Variants in TESPA1 observed in about 807,000 individuals in gnomAD.
The protein encoded by TESPA1 is protein TESPA1.
In TESPA1, 33 loss-of-function variants were observed where a neutral mutation model predicts 57.9. The observed-to-expected ratio is 0.57, with a 90% CI of 0.43 to 0.76. The LOEUF (loss-of-function observed/expected upper bound fraction) is 0.76, where lower values mean the gene tolerates loss of function less well. TESPA1 is among the 30% of genes least tolerant of loss of function. The pLI is 0.00. For synonymous variants in TESPA1, 227 were observed against 228.9 expected (o/e 0.99, Z 0.07); for missense variants, 618 against 632.9 (o/e 0.98, Z 0.25).
intron 10 of TESPA1, among the ~76,000 whole-genome samples, chr12:54,956,156 G>A (rs1298872533): frequency 6.6e-6 from 1 of 152,134 alleles, no homozygotes; most frequent in Non-Finnish European, 1.5e-5. Flanking sequence ...ACTTACACAG[G>A]TTCCACCAAG....
chr12:54,950,299 G>A lies in TESPA1; in HGVS notation c.*93C>T. The A allele has an allele frequency of 2.2e-6, 1 of 456,960 alleles. No homozygotes were observed. 28.3% of individuals were successfully genotyped at this position (456,960 alleles called of 1,614,324 possible). A position where few individuals can be genotyped will look rare whatever the true frequency, so the allele number is the denominator to read the frequency against. On this transcript the variant is annotated 3_prime_UTR_variant, in exon 11 of 11. Transcript: ENST00000449076. ...CCAAGGAGTAGGGGCTGGATGTTGAGGGCAGTGCAGTTTCCTGCAAGAGGT... is the reference window on the plus strand; with the variant it reads ...CCAAGGAGTAGGGGCTGGATGTTGAAGGCAGTGCAGTTTCCTGCAAGAGGT...
At position 54,980,271 on chromosome 12, in the gene TESPA1, G is replaced by C. The variant is rs376704779; in HGVS notation, c.-46+4314C>G. ...TATATTTGGTTCTGTGACAGTCTTAGTGCAGGAAGTGTTGCTTTGTTTGTG... is the reference window on the plus strand; with the variant it reads ...TATATTTGGTTCTGTGACAGTCTTACTGCAGGAAGTGTTGCTTTGTTTGTG... On this transcript the variant is annotated intron_variant, in intron 1 of 10. Coordinates refer to ENST00000449076, the MANE Select transcript of TESPA1 (RefSeq NM_001136030.3). Among the ~76,000 whole-genome samples the C allele has an allele frequency of 1.1e-4, 16 of 152,334 alleles. No individual in the cohort carries two copies. In the East Asian group the frequency reaches 3.1e-3, roughly 29 times the overall value.
chr12:54,957,714 T>C (rs1390949407), intron 10 of TESPA1, among the ~76,000 whole-genome samples: 1 of 152,188 alleles, frequency 6.6e-6, no homozygotes, highest in Non-Finnish European at 1.5e-5. Context: ...TAGGTAATCA[T>C]AGAAAAAAAT....
intron 5 of TESPA1, among the ~76,000 whole-genome samples, chr12:54,966,968 A>G (rs1951479551): frequency 6.6e-6 from 1 of 152,180 alleles, no homozygotes. Context: ...GTGATGAACC[A>G]GTAAGAGTCA....
chr12:54,953,360 A>T (rs1352594852), intron 10 of TESPA1, among the ~76,000 whole-genome samples: 1 of 151,886 alleles, frequency 6.6e-6, no homozygotes, highest in South Asian at 2.1e-4. Context: ...TTTCCATAAG[A>T]TATTGTGGTA....
rs193244070 is a variant in TESPA1 at position 54,953,439 on chromosome 12, T to C, written c.*2-3049A>G. On this transcript the variant is annotated intron_variant, in intron 10 of 10. Coordinates refer to ENST00000449076, the MANE Select transcript of TESPA1 (RefSeq NM_001136030.3). ...ATATCAATATTCTGCTTTTCCTTTTTCTACTCTCCTCAGCCACCTTCTCCC... is the reference window on the plus strand; with the variant it reads ...ATATCAATATTCTGCTTTTCCTTTTCCTACTCTCCTCAGCCACCTTCTCCC... 3.2e-3 allele frequency among the ~76,000 whole-genome samples: 493 copies of C among 152,258 alleles called. 3 individuals are homozygous for C. The highest frequency in any genetic ancestry group is 0.011 in the African/African-American group (471 of 41,538).
At chr12:54,951,584 C>T (rs1057451152) in intron 10 of TESPA1, among the ~76,000 whole-genome samples, 1 of 152,118 alleles carries the variant, frequency 6.6e-6, no homozygotes, top group Non-Finnish European at 1.5e-5. Context: ...TTCTTATTCA[C>T]TTTTCATATT....
At position 54,965,974 on chromosome 12, in the gene TESPA1, C is replaced by T; in HGVS notation, c.446+79G>A. 8 of 1,352,192 alleles carry T rather than the reference C, an allele frequency of 5.9e-6. No homozygotes were observed. In the South Asian group the frequency reaches 7.8e-5, roughly 13 times the overall value. The allele number at this position is 1,352,192 out of a possible 1,614,324, so 83.8% of individuals were successfully genotyped here. A position where few individuals can be genotyped will look rare whatever the true frequency, so the allele number is the denominator to read the frequency against. On this transcript the variant is annotated intron_variant, in intron 7 of 10. Coordinates refer to ENST00000449076, the MANE Select transcript of TESPA1 (RefSeq NM_001136030.3). ...CTCCAGTAAGATATCCCAGAAAAAA[C>T]AGGCAATGGCTCTTGGTTCCATTCT...
chr12:54,963,659 A>G lies in TESPA1; in HGVS notation c.655+83T>C, dbSNP rs1951229758. The G allele has an allele frequency of 9.7e-6, 14 of 1,437,404 alleles. No homozygotes were observed. In the Admixed American group the frequency reaches 2.7e-4, roughly 27 times the overall value. The allele number at this position is 1,437,404 out of a possible 1,614,324, so 89.0% of individuals were successfully genotyped here. ...AAAGGGTTAAAGATAACCAAGAGAAAGCAGGATTTGAAGCCACTGAGCCCT... is the reference window on the plus strand; with the variant it reads ...AAAGGGTTAAAGATAACCAAGAGAAGGCAGGATTTGAAGCCACTGAGCCCT... On this transcript the variant is annotated intron_variant, in intron 8 of 10. Coordinates refer to ENST00000449076, the MANE Select transcript of TESPA1 (RefSeq NM_001136030.3).
chr12:54,974,771 C>A (rs1390153522), intron 1 of TESPA1, among the ~76,000 whole-genome samples, 164 bp from the exon 2 acceptor site: 1 of 151,910 alleles, frequency 6.6e-6, no homozygotes, highest in East Asian at 1.9e-4. Context: ...GTCTCTCCTG[C>A]AAAAAAGGAA....
At chr12:54,973,229 C>G (rs949060535) in intron 3 of TESPA1, among the ~76,000 whole-genome samples, 1 of 152,180 alleles carries the variant, frequency 6.6e-6, no homozygotes, top group African/African-American at 2.4e-5. Context: ...AGCTTTAGCT[C>G]AAACCCAACC....
At chr12:54,974,648 C>T in intron 1 of TESPA1, 41 bp from the exon 2 acceptor site, 1 of 1,356,658 alleles carries the variant, frequency 7.4e-7, no homozygotes, top group Non-Finnish European at 9.6e-7. Flanking sequence ...ATCATATGCT[C>T]AGAAACCATC....
chr12:54,976,941 C>T (rs1445332024), intron 1 of TESPA1, among the ~76,000 whole-genome samples: 1 of 152,012 alleles, frequency 6.6e-6, no homozygotes, highest in Non-Finnish European at 1.5e-5. Flanking sequence ...CCCTCCTTCT[C>T]TTCATCTTCC....
intron 10 of TESPA1, among the ~76,000 whole-genome samples, chr12:54,954,077 A>G (rs1950583228): frequency 6.6e-6 from 1 of 152,220 alleles, no homozygotes; most frequent in Non-Finnish European, 1.5e-5. Context: ...GAGTATTGGT[A>G]CTTAGCATAA....
intron 1 of TESPA1, among the ~76,000 whole-genome samples, chr12:54,983,722 T>A (rs927261297): frequency 1.3e-5 from 2 of 152,052 alleles, no homozygotes; most frequent in African/African-American, 4.8e-5. Context: ...CACCCACTGG[T>A]GAGCTTAGTG....
chr12:54,961,160 C>T lies in TESPA1; in HGVS notation c.*1+8G>A, dbSNP rs1208515388. The T allele has an allele frequency of 1.2e-6, 2 of 1,613,590 alleles. No individual in the cohort carries two copies. Among genetic ancestry groups the T allele is most frequent in the Non-Finnish European group, 8.5e-7 (1 of 1,179,846 alleles). On this transcript the variant is annotated splice_region_variant and intron_variant, in intron 10 of 10. Transcript: ENST00000449076. Reference sequence around the variant, plus strand: ...GGTTTGAGAACTGCCTGAGAGAGGCCCACTTACTTCACGAGTCTTTGCCAG... The same window carrying T: ...GGTTTGAGAACTGCCTGAGAGAGGCTCACTTACTTCACGAGTCTTTGCCAG...
At chr12:54,953,777 C>T (rs1024840050) in intron 10 of TESPA1, among the ~76,000 whole-genome samples, 1 of 152,174 alleles carries the variant, frequency 6.6e-6, no homozygotes, top group African/African-American at 2.4e-5. Flanking sequence ...GCCTCGGCCT[C>T]CCAAAGTGCT....
chr12:54,962,683 G>T lies in TESPA1; in HGVS notation c.1215C>A (p.Asp405Glu), dbSNP rs761100208. 8 of 1,613,978 alleles carry T rather than the reference G, an allele frequency of 5.0e-6. No individual in the cohort carries two copies. In the South Asian group the frequency reaches 8.8e-5, roughly 18 times the overall value. Residue 405 changes from aspartate (D) to glutamate (E), a missense_variant, in exon 9 of 11, where the codon GAC (aspartate) becomes GAA (glutamate). Asp to Glu is a conservative substitution (Grantham distance 45). Coordinates refer to ENST00000449076, the MANE Select transcript of TESPA1 (RefSeq NM_001136030.3). ...LPIEDPQWST[D>E]PAQIRRELCS... ...ACAGCTCTCTCCTTATCTGAGCTGG[G>T]TCTGTGCTCCACTGTGGATCTTCTA...
Position 54,962,760 on chromosome 12 carries a change from G to T in TESPA1, c.1138C>A (p.Gln380Lys). 1.2e-6 allele frequency: 2 copies of T among 1,613,874 alleles called. No individual in the cohort carries two copies. Among genetic ancestry groups the T allele is most frequent in the Non-Finnish European group, 1.7e-6 (2 of 1,179,872 alleles). The change falls in exon 9 of 11, where the codon CAA (glutamine) becomes AAA (lysine). Residue 380 changes from glutamine to lysine, a missense_variant. Physicochemically the swap from Gln to Lys is moderately conservative, Grantham distance 53 (BLOSUM62 1). This residue lies in a region of TESPA1 where 409 missense variants were observed against 420.1 expected (regional missense o/e 0.97). Transcript: ENST00000449076. ...ACCTTGGGGTTCGAATCCAGAGTTT[G>T]GGATGGTGCTAGCACTGTGGACATC... ...QRMSTVLAPS[Q>K]TLDSNPKVPC... is the part of the protein sequence containing the mutation.
Sources: gnomAD v4.1 joint callset for allele counts (sites outside exome capture counted in the v4.1 genomes callset) on GRCh38, gnomAD v4.1.1 for gene constraint, gnomAD v4.1.1 regional missense constraint, MANE v1.5 for transcripts, NCBI Gene and HGNC (gene_info 2026-07-23, HGNC 2026-07-21) for gene names.